ZNF704: variants seen among roughly 807,000 people sequenced by gnomAD.
ZNF704 encodes the protein zinc finger protein 704.
In ZNF704, 10 loss-of-function variants were observed where a neutral mutation model predicts 44.7. The ratio of observed to expected loss-of-function variants is 0.22; its 90% CI spans 0.14 to 0.38. The LOEUF is 0.38. Ranked by LOEUF, ZNF704 falls within the 10% of genes least tolerant of loss-of-function variation. The pLI is 1.00. For synonymous variants in ZNF704, 211 were observed against 207.6 expected (o/e 1.02, Z -0.14); for missense variants, 390 against 545.5 (o/e 0.71, Z 2.84).
At chr8:80,848,185 T>C (rs1808797645) in intron 1 of ZNF704, among the ~76,000 whole-genome samples, 2 of 152,224 alleles carry the variant, frequency 1.3e-5, no homozygotes, top group South Asian at 4.1e-4. Context: ...ATTCTCAAAA[T>C]GACAAAATCA....
At chr8:80,712,107 C>G (rs1818996550) in intron 2 of ZNF704, among the ~76,000 whole-genome samples, 1 of 152,192 alleles carries the variant, frequency 6.6e-6, no homozygotes, top group Non-Finnish European at 1.5e-5. Flanking sequence ...CATGAGGGCT[C>G]AGCCCTCAGG....
At chr8:80,790,934 C>T (rs555183988) in intron 2 of ZNF704, among the ~76,000 whole-genome samples, 12 of 152,106 alleles carry the variant, frequency 7.9e-5, no homozygotes, top group Non-Finnish European at 4.4e-5. Context: ...GAAGAAAATG[C>T]ACATTGCCAG....
At chr8:80,648,359 T>A (rs1817864491) in intron 7 of ZNF704, among the ~76,000 whole-genome samples, 1 of 152,208 alleles carries the variant, frequency 6.6e-6, no homozygotes, top group Non-Finnish European at 1.5e-5. Context: ...CATATGTGGC[T>A]GAGTTCAGTA....
At chr8:80,732,543 A>G (rs930224296) in intron 2 of ZNF704, among the ~76,000 whole-genome samples, 2 of 152,244 alleles carry the variant, frequency 1.3e-5, no homozygotes, top group Non-Finnish European at 2.9e-5. Flanking sequence ...CCTCATCAAA[A>G]GGAACCACCC....
chr8:80,831,012 C>T (rs1808463915), intron 1 of ZNF704, among the ~76,000 whole-genome samples: 1 of 151,914 alleles, frequency 6.6e-6, no homozygotes, highest in Non-Finnish European at 1.5e-5. Flanking sequence ...CCTCAGCCTC[C>T]CAAAGTGCTG....
chr8:80,850,873 C>G (rs781007393), intron 1 of ZNF704, among the ~76,000 whole-genome samples: 4 of 152,210 alleles, frequency 2.6e-5, no homozygotes, highest in Non-Finnish European at 2.9e-5. Context: ...AAGCAGGTGA[C>G]AAACTGAGCA....
chr8:80,661,431 C>G (rs933206849), intron 6 of ZNF704, among the ~76,000 whole-genome samples: 2 of 152,188 alleles, frequency 1.3e-5, no homozygotes, highest in African/African-American at 2.4e-5. Flanking sequence ...ATCCAGCAAT[C>G]TCACTACTGG....
At chr8:80,823,639 C>T (rs1403318734) in intron 1 of ZNF704, among the ~76,000 whole-genome samples, 2 of 152,200 alleles carry the variant, frequency 1.3e-5, no homozygotes, top group African/African-American at 2.4e-5. Flanking sequence ...GGGTCCCTGA[C>T]CACCGAGTAG....
At chr8:80,676,752 A>T (rs1456631679) in intron 4 of ZNF704, among the ~76,000 whole-genome samples, 1 of 152,188 alleles carries the variant, frequency 6.6e-6, no homozygotes, top group East Asian at 1.9e-4. Context: ...TTGGGAGAGG[A>T]TGGCACAGGT....
chr8:80,792,899 G>A (rs536870718), intron 2 of ZNF704, among the ~76,000 whole-genome samples: 11 of 152,308 alleles, frequency 7.2e-5, no homozygotes, highest in East Asian at 1.9e-4. Flanking sequence ...ATCCTGAAGC[G>A]GAGGACCCAG....
chr8:80,831,580 G>T (rs996972018), intron 1 of ZNF704, among the ~76,000 whole-genome samples: 3 of 152,192 alleles, frequency 2.0e-5, no homozygotes, highest in African/African-American at 7.2e-5. Flanking sequence ...AATGATAGAA[G>T]ACAGCCAGAA....
intron 1 of ZNF704, among the ~76,000 whole-genome samples, chr8:80,838,649 G>A (rs947270296): frequency 1.0e-4 from 15 of 149,402 alleles, no homozygotes; most frequent in African/African-American, 3.5e-4. Context: ...GGGAGGGGGA[G>A]GAGGAGGAAA....
chr8:80,768,301 A>G (rs79325719), intron 2 of ZNF704, among the ~76,000 whole-genome samples: 9,142 of 152,118 alleles, frequency 0.06, 313 homozygotes, highest in Middle Eastern at 0.13. Context: ...GCTTTATGTG[A>G]TATGTCCTTG....
chr8:80,874,250 C>T lies in ZNF704; in HGVS notation c.-22+321G>A, dbSNP rs1355603634. 6.9e-6 allele frequency among the ~76,000 whole-genome samples: 1 copy of T among 144,686 alleles called. No homozygotes were observed. The highest frequency in any genetic ancestry group is 1.5e-5 in the Non-Finnish European group (1 of 65,290). The allele number at this position is 144,686 out of a possible 152,430, so 94.9% of individuals were successfully genotyped here. A position where few individuals can be genotyped will look rare whatever the true frequency, so the allele number is the denominator to read the frequency against. On this transcript the variant is annotated intron_variant, in intron 1 of 8. Coordinates refer to ENST00000327835, the MANE Select transcript of ZNF704 (RefSeq NM_001033723.3). The surrounding 1 kb of genome is among the most constrained non-coding windows in gnomAD (Gnocchi z 4.4). ...GACCGGCCGGCGGGGACGCCGGCGG[C>T]CGGCGGCTACGGCGGGGCGGCGCGG... is the stretch of plus-strand genomic sequence containing the variant.
intron 1 of ZNF704, among the ~76,000 whole-genome samples, chr8:80,846,401 T>TACACACAC (rs33922681): frequency 0.012 from 1,838 of 148,496 alleles, 16 homozygotes; most frequent in Non-Finnish European, 0.019. Context: ...AGAGATTTCA[T>TACACACAC]ACACACACAC....
At chr8:80,878,128 C>T (rs915374749), upstream of ZNF704, among the ~76,000 whole-genome samples, 3 of 152,166 alleles carry the variant, frequency 2.0e-5, no homozygotes, top group African/African-American at 7.2e-5. Context: ...ACTCCCTAAA[C>T]ACATAGTAGC....
intron 2 of ZNF704, among the ~76,000 whole-genome samples, chr8:80,731,457 A>T (rs1806580509): frequency 6.6e-6 from 1 of 152,236 alleles, no homozygotes. Flanking sequence ...TAAAGAAAAA[A>T]ATCATAAATA....
intron 2 of ZNF704, among the ~76,000 whole-genome samples, chr8:80,738,213 CTACCAGGTTTCTCCAGG>C (rs1213768233): frequency 6.6e-6 from 1 of 152,150 alleles, no homozygotes; most frequent in East Asian, 1.9e-4. Context: ...AAAGAGTTAT[CTACCAGGTTTCTCCAGG>C]TAAAGTATTT....
intron 2 of ZNF704, among the ~76,000 whole-genome samples, chr8:80,820,366 G>T (rs1419422932): frequency 6.6e-6 from 1 of 151,998 alleles, no homozygotes; most frequent in Admixed American, 6.6e-5. Context: ...ATTGGGTGTG[G>T]TTTAAATAAA....
Sources: gnomAD v4.1 joint callset for allele counts (sites outside exome capture counted in the v4.1 genomes callset) on GRCh38, gnomAD v4.1.1 for gene constraint, Gnocchi (gnomAD v3.1) non-coding constraint, MANE v1.5 for transcripts, NCBI Gene and HGNC (gene_info 2026-07-23, HGNC 2026-07-21) for gene names.